The following AGBL1 variants were observed in gnomAD, a reference collection of about 807,000 sequenced individuals.
AGBL1 encodes AGBL carboxypeptidase 1, also known as cytosolic carboxypeptidase 4.
Under a neutral mutation model 118.9 loss-of-function variants are expected in AGBL1, and 130 were observed. The observed-to-expected ratio is 1.09, with a 90% CI of 0.95 to 1.26. The LOEUF (loss-of-function observed/expected upper bound fraction) is 1.26. Ranked by LOEUF, AGBL1 falls within the 50% of genes most tolerant of loss-of-function variation. The pLI is 0.00. For missense variants in AGBL1, 1,584 were observed against 1,298.1 expected (o/e 1.22, Z -3.38); for synonymous variants, 555 against 478.9 (o/e 1.16, Z -2.08).
At chr15:86,253,037 G>A (rs903136318) in intron 7 of AGBL1, among the ~76,000 whole-genome samples, 9 of 152,102 alleles carry the variant, frequency 5.9e-5, no homozygotes, top group Non-Finnish European at 8.8e-5. Flanking sequence ...GTCTGGAGAC[G>A]AGGGTTCCAG....
intron 18 of AGBL1, among the ~76,000 whole-genome samples, chr15:86,419,419 A>T (rs2081753357): frequency 6.6e-6 from 1 of 152,158 alleles, no homozygotes; most frequent in African/African-American, 2.4e-5. Context: ...GGAATGATGC[A>T]TTATGGCCCA....
intron 22 of AGBL1, among the ~76,000 whole-genome samples, chr15:86,740,068 T>G (rs1228247468): frequency 6.6e-6 from 1 of 151,682 alleles, no homozygotes; most frequent in Non-Finnish European, 1.5e-5. Flanking sequence ...AGGCAATACA[T>G]TTTTTTTTAA....
rs868466402 is a variant in AGBL1, at chr15:86,154,436, AG to A, written c.270del (p.Ile91LeufsTer6). 1.9e-6 allele frequency: 3 copies of A among 1,611,940 alleles called. No homozygotes were observed. The highest frequency in any genetic ancestry group is 2.5e-6 in the Non-Finnish European group (3 of 1,179,092). ...LLAKVGLRDKKIGRKALELEA... is the reference protein window; with the variant it reads ...LLAKVGLRDKXIGRKALELEA... Reference sequence around the variant, plus strand: ...GATTGATTTGTGTTCTTAGATAAAAAGATTGGACGGAAGGCCCTAGAATTGG... The same window carrying A: ...GATTGATTTGTGTTCTTAGATAAAAAATTGGACGGAAGGCCCTAGAATTGG... On this transcript the variant is annotated frameshift_variant, in exon 4 of 23. Transcript: ENST00000614907. LOFTEE classifies it high-confidence loss of function.
intron 7 of AGBL1, among the ~76,000 whole-genome samples, chr15:86,254,759 A>G (rs1259628742): frequency 6.6e-6 from 1 of 151,750 alleles, no homozygotes; most frequent in Admixed American, 6.6e-5. Flanking sequence ...CTTCCTGGGA[A>G]CCTCCCTTTC....
intron 22 of AGBL1, among the ~76,000 whole-genome samples, chr15:86,859,572 G>A (rs1005082165): frequency 2.0e-5 from 3 of 152,136 alleles, no homozygotes; most frequent in Non-Finnish European, 2.9e-5. Context: ...TACTATCAAA[G>A]CTTTTAGTTT....
At chr15:86,358,832 GT>G (rs571007151) in intron 17 of AGBL1, among the ~76,000 whole-genome samples, 11 of 151,852 alleles carry the variant, frequency 7.2e-5, no homozygotes, top group Non-Finnish European at 1.5e-4. Context: ...CTTGAGAAAT[GT>G]TTATTCAGGT....
At chr15:86,246,869 C>G (rs1156708121) in intron 6 of AGBL1, among the ~76,000 whole-genome samples, 1 of 151,200 alleles carries the variant, frequency 6.6e-6, no homozygotes, top group East Asian at 1.9e-4. Flanking sequence ...CCCCACCTAA[C>G]CTGATAGTCA....
At chr15:86,190,039 G>C (rs2077694567) in intron 5 of AGBL1, among the ~76,000 whole-genome samples, 1 of 152,126 alleles carries the variant, frequency 6.6e-6, no homozygotes, top group African/African-American at 2.4e-5. Flanking sequence ...CATTAGAGAA[G>C]TAAACAGAAA....
intron 21 of AGBL1, among the ~76,000 whole-genome samples, chr15:86,638,950 C>T (rs915824535): frequency 3.3e-5 from 5 of 152,048 alleles, no homozygotes; most frequent in African/African-American, 7.3e-5. Flanking sequence ...GAGTTCTCTC[C>T]GTGCTGGTAG....
intron 22 of AGBL1, among the ~76,000 whole-genome samples, chr15:86,700,338 G>A (rs141603324): frequency 6.6e-6 from 1 of 151,810 alleles, no homozygotes; most frequent in Non-Finnish European, 1.5e-5. Flanking sequence ...TATGTTCTAG[G>A]TTCATCTTGT....
chr15:86,824,696 A>G (rs1242166566), intron 22 of AGBL1, among the ~76,000 whole-genome samples: 1 of 152,176 alleles, frequency 6.6e-6, no homozygotes, highest in Non-Finnish European at 1.5e-5. Context: ...ATTTATAGCT[A>G]TAGTAATCAA....
chr15:86,434,368 T>C (rs987295473), intron 18 of AGBL1, among the ~76,000 whole-genome samples: 1 of 152,214 alleles, frequency 6.6e-6, no homozygotes, highest in African/African-American at 2.4e-5. Context: ...GTATATTGTT[T>C]AGATTGTGAA....
intron 23 of AGBL1, among the ~76,000 whole-genome samples, chr15:86,966,691 T>C (rs1007494268): frequency 1.8e-4 from 27 of 152,336 alleles, no homozygotes; most frequent in Non-Finnish European, 3.7e-4. Flanking sequence ...TTGCATGGTG[T>C]ATATGTGCCA....
intron 18 of AGBL1, among the ~76,000 whole-genome samples, chr15:86,505,478 A>T (rs981422205): frequency 4.6e-5 from 7 of 151,806 alleles, no homozygotes; most frequent in Non-Finnish European, 8.8e-5. Context: ...TCTTCTCTCT[A>T]TTCTTGAAAG....
Position 86,247,736 on chromosome 15 carries a change from T to C in AGBL1, c.592T>C (p.Trp198Arg). The change falls in exon 7 of 23, where the codon TGG becomes CGG. Residue 198 changes from tryptophan (W) to arginine (R), a missense_variant. Coordinates refer to ENST00000614907, the MANE Select transcript of AGBL1 (RefSeq NM_001386094.1). Reference protein sequence around the residue: ...VTSLLGLHQDWHSHDTANAYV... With the variant: ...VTSLLGLHQDRHSHDTANAYV... ...CAGCCTGCTCGGGCTGCACCAGGACTGGCACAGCCATGACACAGCCAACGC... is the reference window on the plus strand; with the variant it reads ...CAGCCTGCTCGGGCTGCACCAGGACCGGCACAGCCATGACACAGCCAACGC... 3.1e-6 allele frequency: 5 copies of C among 1,613,852 alleles called. No individual in the cohort carries two copies. Among genetic ancestry groups the C allele is most frequent in the Non-Finnish European group, 4.2e-6 (5 of 1,179,822 alleles).
chr15:86,699,997 A>G (rs1261129101), intron 22 of AGBL1, among the ~76,000 whole-genome samples: 1 of 151,942 alleles, frequency 6.6e-6, no homozygotes, highest in African/African-American at 2.4e-5. Context: ...TATTTCCTCT[A>G]CATTTGTTAG....
chr15:86,484,032 T>C (rs779018933), intron 18 of AGBL1, among the ~76,000 whole-genome samples: 5 of 152,240 alleles, frequency 3.3e-5, no homozygotes, highest in South Asian at 2.1e-4. Flanking sequence ...GCTGCTTTAG[T>C]GCTGAAATAG....
chr15:86,161,318 C>T (rs1195161695), intron 5 of AGBL1, among the ~76,000 whole-genome samples: 7 of 152,230 alleles, frequency 4.6e-5, no homozygotes, highest in Admixed American at 4.6e-4. Flanking sequence ...AGGTGCCCTG[C>T]ACTGTGCTAA....
At chr15:86,130,136 A>C (rs2166092) in intron 1 of AGBL1, among the ~76,000 whole-genome samples, 152,217 of 152,218 alleles carry the variant, frequency 1, 76,108 homozygotes, top group Middle Eastern at 1. Context: ...CTCACTCTAT[A>C]CTGGAGCATG....
Sources: gnomAD v4.1 joint callset for allele counts (sites outside exome capture counted in the v4.1 genomes callset) on GRCh38, gnomAD v4.1.1 for gene constraint, MANE v1.5 for transcripts, NCBI Gene and HGNC (gene_info 2026-07-23, HGNC 2026-07-21) for gene names.